The following LYRM4 variants were observed in gnomAD, a reference collection of about 807,000 sequenced individuals.
The protein encoded by LYRM4 is LYR motif containing 4, also known as LYR motif-containing protein 4.
Under a neutral mutation model 11.7 loss-of-function variants are expected in LYRM4, and 9 were observed. The ratio of observed to expected loss-of-function variants is 0.77; its 90% CI spans 0.46 to 1.34. The LOEUF (loss-of-function observed/expected upper bound fraction) is 1.34, where lower values mean the gene tolerates loss of function less well. LYRM4 is among the 40% of genes most tolerant of loss of function. The pLI is 0.00. For missense variants in LYRM4, 133 were observed against 112.5 expected, an observed-to-expected ratio of 1.18 and a Z score of -0.82; for synonymous variants, 42 against 40.4, an observed-to-expected ratio of 1.04 and a Z score of -0.15.
chr6:5,158,215 T>C (rs1372037079), intron 2 of LYRM4, among the ~76,000 whole-genome samples: 1 of 152,264 alleles, frequency 6.6e-6, no homozygotes, highest in Non-Finnish European at 1.5e-5. Context: ...TGTGTCTTCA[T>C]ATATGTACAT....
intron 1 of LYRM4, among the ~76,000 whole-genome samples, chr6:5,245,109 AAAAAATATATATATATATATATATAT>A (rs1374841087): frequency 6.7e-4 from 27 of 40,124 alleles, no homozygotes; most frequent in African/African-American, 2.9e-3. Context: ...AAAAAAAAAA[AAAAAATATATATATATATATATATAT>A]ATATATATAT....
At chr6:5,192,062 T>G (rs960305521) in intron 2 of LYRM4, among the ~76,000 whole-genome samples, 2 of 152,108 alleles carry the variant, frequency 1.3e-5, no homozygotes, top group African/African-American at 4.8e-5. Flanking sequence ...GATTCTGGAT[T>G]AAAAAAGTTA....
At chr6:5,199,746 T>C (rs1761279308) in intron 2 of LYRM4, among the ~76,000 whole-genome samples, 1 of 152,192 alleles carries the variant, frequency 6.6e-6, no homozygotes, top group African/African-American at 2.4e-5. Context: ...GGCCAACCCA[T>C]CCCAATTTAA....
chr6:5,156,371 G>A (rs945766342), intron 2 of LYRM4, among the ~76,000 whole-genome samples: 6 of 152,166 alleles, frequency 3.9e-5, no homozygotes, highest in Admixed American at 3.3e-4. Context: ...GGAGTGGCTG[G>A]GGCAGGAACC....
chr6:5,159,568 A>T (rs1160451452), intron 2 of LYRM4, among the ~76,000 whole-genome samples: 1 of 152,244 alleles, frequency 6.6e-6, no homozygotes, highest in Non-Finnish European at 1.5e-5. Context: ...TTTACCGCCT[A>T]CATGGCTACT....
the LYRM4 span, chr6:5,088,215 C>T: frequency 1.3e-5 from 2 of 152,510 alleles, no homozygotes; most frequent in Non-Finnish European, 2.9e-5. Context: ...CTGCCTCAGC[C>T]TCCAGAGTAG....
intron 2 of LYRM4, among the ~76,000 whole-genome samples, chr6:5,176,216 C>A (rs1217863698): frequency 6.6e-6 from 1 of 152,050 alleles, no homozygotes; most frequent in Non-Finnish European, 1.5e-5. Context: ...AAGCATGTGC[C>A]ACCATGCCTG....
At chr6:5,127,069 C>T (rs1270322550) in intron 2 of LYRM4, among the ~76,000 whole-genome samples, 2 of 152,234 alleles carry the variant, frequency 1.3e-5, no homozygotes, top group East Asian at 1.9e-4. Flanking sequence ...CCTGTCTCAA[C>T]ATCCCAAGTA....
chr6:5,115,662 G>T (rs1476309069), intron 2 of LYRM4, among the ~76,000 whole-genome samples: 1 of 152,074 alleles, frequency 6.6e-6, no homozygotes, highest in Non-Finnish European at 1.5e-5. Context: ...ATAAAGAACT[G>T]GGGGGCAATC....
chr6:5,212,450 G>C (rs1268690556), intron 2 of LYRM4, among the ~76,000 whole-genome samples: 1 of 152,200 alleles, frequency 6.6e-6, no homozygotes, highest in African/African-American at 2.4e-5. Flanking sequence ...GACTGTTTGA[G>C]AGCTATTTGC....
At chr6:5,235,728 A>C (rs1763501578) in intron 1 of LYRM4, among the ~76,000 whole-genome samples, 1 of 152,212 alleles carries the variant, frequency 6.6e-6, no homozygotes, top group South Asian at 2.1e-4. Flanking sequence ...AAATTCTTTA[A>C]ACAGAAAAAT....
At position 5,192,668 on chromosome 6, in the gene LYRM4, T is replaced by G. The variant is rs1471793631; in HGVS notation, c.207+23950A>C. On this transcript the variant is annotated intron_variant, in intron 2 of 2. Coordinates refer to ENST00000330636, the MANE Select transcript of LYRM4 (RefSeq NM_020408.6). Reference sequence around the variant, plus strand: ...TCCTCTTCCATGATGAGATCTAACTTCTGAATCTGCGCATGGTTAAAAGGC... The same window carrying G: ...TCCTCTTCCATGATGAGATCTAACTGCTGAATCTGCGCATGGTTAAAAGGC... Among the ~76,000 whole-genome samples, 5 of 152,098 alleles carry G rather than the reference T, an allele frequency of 3.3e-5. No homozygotes were observed. In the East Asian group the frequency reaches 9.7e-4, roughly 29 times the overall value.
At chr6:5,089,278 G>A in the LYRM4 span, 1 of 152,034 alleles carries the variant, frequency 6.6e-6, no homozygotes, top group Non-Finnish European at 1.5e-5. Flanking sequence ...GGTAATCTTG[G>A]TCTGATATAC....
chr6:5,256,689 C>T (rs1764695438), intron 1 of LYRM4, among the ~76,000 whole-genome samples: 1 of 151,970 alleles, frequency 6.6e-6, no homozygotes, highest in Non-Finnish European at 1.5e-5. Flanking sequence ...CAGTGCTCAT[C>T]ACTCCTCTGA....
the LYRM4 span, chr6:5,086,369 C>T: frequency 6.5e-7 from 1 of 1,536,114 alleles, no homozygotes; most frequent in Non-Finnish European, 8.7e-7. Flanking sequence ...AAGAAAGAGC[C>T]AGGCGCCGAG....
At chr6:5,085,256 C>T in the LYRM4 span, 1 of 461,728 alleles carries the variant, frequency 2.2e-6, no homozygotes, top group Non-Finnish European at 3.8e-6. Flanking sequence ...CGGCGTGGCC[C>T]CGGAGCCGGC....
intron 2 of LYRM4, among the ~76,000 whole-genome samples, chr6:5,127,503 C>T (rs1346199399): frequency 6.6e-6 from 1 of 152,184 alleles, no homozygotes; most frequent in Admixed American, 6.5e-5. Context: ...ACTGTCTAGA[C>T]TTGTGCTACT....
chr6:5,253,242 T>C (rs1375651516), intron 1 of LYRM4, among the ~76,000 whole-genome samples: 1 of 152,244 alleles, frequency 6.6e-6, no homozygotes, highest in Non-Finnish European at 1.5e-5. Context: ...TACAATAACA[T>C]ATTTCTTAAG....
At chr6:5,206,418 C>T (rs1283866237) in intron 2 of LYRM4, among the ~76,000 whole-genome samples, 1 of 152,224 alleles carries the variant, frequency 6.6e-6, no homozygotes, top group Non-Finnish European at 1.5e-5. Context: ...CCGAAATGCA[C>T]TCACTTATCA....
Sources: allele counts gnomAD v4.1 joint callset (sites outside exome capture counted in the v4.1 genomes callset), GRCh38; gene constraint gnomAD v4.1.1; transcripts MANE v1.5; gene names NCBI Gene and HGNC (gene_info 2026-07-23, HGNC 2026-07-21).